MFHAS1: variants seen among roughly 807,000 people sequenced by gnomAD.
MFHAS1 encodes malignant fibrous histiocytoma-amplified sequence 1.
In MFHAS1, 50 loss-of-function variants were observed where a neutral mutation model predicts 70.4. The ratio of observed to expected loss-of-function variants is 0.71; its 90% CI spans 0.57 to 0.90. MFHAS1 has a LOEUF of 0.90. Ranked by LOEUF, MFHAS1 falls within the 40% of genes least tolerant of loss-of-function variation. MFHAS1 has a pLI of 0.00. For missense variants in MFHAS1, 1,795 were observed against 1,347.6 expected, an observed-to-expected ratio of 1.33 and a Z score of -5.20; for synonymous variants, 952 against 620.0, an observed-to-expected ratio of 1.54 and a Z score of -7.96.
chr8:8,809,551 C>A (rs1420883466), intron 1 of MFHAS1, among the ~76,000 whole-genome samples: 4 of 152,208 alleles, frequency 2.6e-5, no homozygotes, highest in African/African-American at 4.8e-5. Flanking sequence ...CGCCTCCCTG[C>A]AGACGCGTGT....
intron 1 of MFHAS1, among the ~76,000 whole-genome samples, chr8:8,802,466 G>A (rs1806112659): frequency 6.6e-6 from 1 of 152,174 alleles, no homozygotes; most frequent in African/African-American, 2.4e-5. Context: ...GTTCATACAA[G>A]CGCATGTGAG....
intron 1 of MFHAS1, among the ~76,000 whole-genome samples, chr8:8,860,411 G>T (rs753785707): frequency 6.6e-6 from 1 of 152,210 alleles, no homozygotes; most frequent in African/African-American, 2.4e-5. Context: ...AAATACGCCA[G>T]TTAGGAAACT....
intron 1 of MFHAS1, among the ~76,000 whole-genome samples, chr8:8,858,044 C>G (rs924799591): frequency 4.6e-5 from 7 of 152,204 alleles, no homozygotes; most frequent in Non-Finnish European, 7.3e-5. Flanking sequence ...CTGGTGTTCA[C>G]TGATCTGGGT....
At chr8:8,795,167 T>C (rs965416867) in intron 2 of MFHAS1, among the ~76,000 whole-genome samples, 1 of 152,212 alleles carries the variant, frequency 6.6e-6, no homozygotes, top group Non-Finnish European at 1.5e-5. Context: ...TTGCTGGTTC[T>C]GTAATATCCC....
chr8:8,785,832 G>A lies in MFHAS1; in HGVS notation c.*190C>T, dbSNP rs992469692. 17 of 544,352 alleles carry A rather than the reference G, an allele frequency of 3.1e-5. No homozygotes were observed. The highest frequency in any genetic ancestry group is 3.1e-4 in the African/African-American group (16 of 52,380). The allele number at this position is 544,352 out of a possible 1,614,324, so 33.7% of individuals were successfully genotyped here. A position where few individuals can be genotyped will look rare whatever the true frequency, so the allele number is the denominator to read the frequency against. On this transcript the variant is annotated 3_prime_UTR_variant, in exon 3 of 3. Coordinates refer to ENST00000276282, the MANE Select transcript of MFHAS1 (RefSeq NM_004225.3). ...TGTAAAACATTTGCTCCATGTTCTC[G>A]TCCATGCTTCCCCCCACCACCCCCT...
At chr8:8,843,545 C>CTT (rs1416237973) in intron 1 of MFHAS1, among the ~76,000 whole-genome samples, 1 of 152,162 alleles carries the variant, frequency 6.6e-6, no homozygotes. Flanking sequence ...CATGCCACTG[C>CTT]ATGCCAGCCT....
At chr8:8,821,820 C>T (rs1806966287) in intron 1 of MFHAS1, 2 of 152,198 alleles carry the variant, frequency 1.3e-5, no homozygotes, top group African/African-American at 2.4e-5. Context: ...GTTTAGTCAC[C>T]GTAGGAGCAT....
intron 1 of MFHAS1, among the ~76,000 whole-genome samples, chr8:8,824,722 G>A (rs1807093845): frequency 1.3e-5 from 2 of 152,234 alleles, no homozygotes; most frequent in African/African-American, 4.8e-5. Context: ...GATGGGTTTA[G>A]CGGTCAGAAG....
intron 2 of MFHAS1, among the ~76,000 whole-genome samples, chr8:8,787,910 C>A (rs1294321309): frequency 2.6e-5 from 4 of 152,184 alleles, no homozygotes; most frequent in Admixed American, 2.6e-4. Context: ...ATCTATATGC[C>A]TTTTTCCACA....
At chr8:8,792,443 C>A (rs1385920142) in intron 2 of MFHAS1, among the ~76,000 whole-genome samples, 2 of 152,048 alleles carry the variant, frequency 1.3e-5, no homozygotes, top group Non-Finnish European at 2.9e-5. Flanking sequence ...TCTACTAATA[C>A]AAAAAATAAA....
In MFHAS1 at chr8:8,879,703, G is replaced by A. The variant is rs146178650; in HGVS notation, c.2998+10358C>T. Among the ~76,000 whole-genome samples, 100 of 152,210 alleles carry A rather than the reference G, an allele frequency of 6.6e-4. No individual in the cohort carries two copies. The East Asian group carries it at 0.011, about 16-fold the overall frequency. On this transcript the variant is annotated intron_variant, in intron 1 of 2. Transcript: ENST00000276282. ...TTTTCTCCATATGGGGTCAGATTCC[G>A]TATTTACAAGAATCAACAATGACAT...
At chr8:8,825,403 T>A (rs1188029035) in intron 1 of MFHAS1, among the ~76,000 whole-genome samples, 2 of 152,178 alleles carry the variant, frequency 1.3e-5, no homozygotes, top group Admixed American at 6.5e-5. Flanking sequence ...AAACTCCTGA[T>A]CTCAAGTGAT....
chr8:8,863,087 CA>C (rs970900432), intron 1 of MFHAS1, among the ~76,000 whole-genome samples: 2 of 152,068 alleles, frequency 1.3e-5, no homozygotes, highest in Non-Finnish European at 2.9e-5. Flanking sequence ...GTTTTGGCAC[CA>C]CTTGAAAATA....
chr8:8,819,608 C>CA (rs201326485), intron 1 of MFHAS1, among the ~76,000 whole-genome samples: 1,135 of 91,238 alleles, frequency 0.012, 17 homozygotes, highest in African/African-American at 0.033. Flanking sequence ...CAACTCAAAA[C>CA]AAAAAAAAAA....
intron 1 of MFHAS1, among the ~76,000 whole-genome samples, chr8:8,860,950 T>C (rs1451307954): frequency 6.6e-6 from 1 of 152,186 alleles, no homozygotes; most frequent in Non-Finnish European, 1.5e-5. Context: ...CCAAATACCT[T>C]ATTATAATCA....
At position 8,800,457 on chromosome 8, in the gene MFHAS1, C is replaced by T. The variant is rs573102274; in HGVS notation, c.2999-2966G>A. ...ACTGGAACCTGGAAGGCATCCAGTC[C>T]AAACATCAACTAGTAAGTCAGAAGC... is the stretch of plus-strand genomic sequence containing the variant. On this transcript the variant is annotated intron_variant, in intron 1 of 2. Coordinates refer to ENST00000276282, the MANE Select transcript of MFHAS1 (RefSeq NM_004225.3). 8.5e-5 allele frequency among the ~76,000 whole-genome samples: 13 copies of T among 152,278 alleles called. No homozygotes were observed. The East Asian group carries it at 2.3e-3, about 27-fold the overall frequency.
At chr8:8,786,701 T>C (rs906299724) in intron 2 of MFHAS1, among the ~76,000 whole-genome samples, 3 of 65,532 alleles carry the variant, frequency 4.6e-5, no homozygotes, top group Non-Finnish European at 6.7e-5. Flanking sequence ...TTTTTGAAAG[T>C]GGTTTTTTTT....
intron 1 of MFHAS1, among the ~76,000 whole-genome samples, chr8:8,852,125 G>C (rs539792624): frequency 3.5e-4 from 53 of 152,220 alleles, no homozygotes; most frequent in African/African-American, 1.3e-3. Flanking sequence ...GTCCTCCAGA[G>C]AGCTGAGGTT....
In MFHAS1 at chr8:8,890,988, G is replaced by A. The variant is rs751414528; in HGVS notation, c.2071C>T (p.Leu691=). The A allele has an allele frequency of 3.7e-6, 6 of 1,614,008 alleles. No homozygotes were observed. The highest frequency in any genetic ancestry group is 1.1e-5 in the South Asian group (1 of 91,078). The change falls in exon 1 of 3, where the codon CTG becomes TTG. Residue 691 remains leucine (L), a synonymous_variant. Coordinates refer to ENST00000276282, the MANE Select transcript of MFHAS1 (RefSeq NM_004225.3). ...LSWWDSARLG[L]QAGLTEDRLQ... ...CGGTCCTCGGTCAGACCCGCCTGCA[G>A]GCCCAAGCGCGCCGAGTCCCACCAG...
Sources: allele counts gnomAD v4.1 joint callset (sites outside exome capture counted in the v4.1 genomes callset), GRCh38; gene constraint gnomAD v4.1.1; transcripts MANE v1.5; gene names NCBI Gene and HGNC (gene_info 2026-07-23, HGNC 2026-07-21).